Variants in C12orf43 observed in about 807,000 individuals in gnomAD.
The protein encoded by C12orf43 is protein CUSTOS.
Under a neutral mutation model 20.6 loss-of-function variants are expected in C12orf43, and 15 were observed. The observed-to-expected ratio is 0.73, with a 90% CI of 0.49 to 1.12. The LOEUF is 1.12. C12orf43 is among the 50% of genes most tolerant of loss of function. C12orf43 has a pLI of 0.00. For synonymous variants in C12orf43, 144 were observed against 130.8 expected, an observed-to-expected ratio of 1.10 and a Z score of -0.69; for missense variants, 334 against 344.4, an observed-to-expected ratio of 0.97 and a Z score of 0.24.
Position 121,004,923 on chromosome 12 carries a change from T to G in C12orf43, c.452+80A>C. 1.8e-6 allele frequency: 2 copies of G among 1,082,980 alleles called. No homozygotes were observed. The highest frequency in any genetic ancestry group is 2.5e-6 in the Non-Finnish European group (2 of 794,096). 67.1% of individuals were successfully genotyped at this position (1,082,980 alleles called of 1,614,324 possible). ...CCTTGGCCTGGTCCTGACTGGAGTC[T>G]GCTTGGCTATTCCAGGGAACCCACC... On this transcript the variant is annotated intron_variant, in intron 5 of 5. Coordinates refer to ENST00000288757, the MANE Select transcript of C12orf43 (RefSeq NM_022895.3). This position sits in a 1 kb window ranked among gnomAD's most constrained non-coding sequence, Gnocchi z 5.6.
chr12:121,013,522 T>G (rs572284195), intron 1 of C12orf43, among the ~76,000 whole-genome samples: 1 of 152,344 alleles, frequency 6.6e-6, no homozygotes. Flanking sequence ...TGTAAGCTAC[T>G]TGAATACGTG....
intron 1 of C12orf43, 95 bp from the exon 2 acceptor site, chr12:121,011,241 T>C (rs1291217794): frequency 1.1e-6 from 1 of 911,284 alleles, no homozygotes; most frequent in East Asian, 2.4e-5. Context: ...TTAAAATACA[T>C]ATAACTCATA....
In C12orf43 at chr12:121,003,029, TTC is replaced by T. The variant is rs1491207011; in HGVS notation, c.*1122_*1123del. 2.6e-3 allele frequency: 323 copies of T among 124,346 alleles called. 25 individuals carry two copies. The highest frequency in any genetic ancestry group is 0.02 in the Middle Eastern group (4 of 204). The allele number at this position is 124,346 out of a possible 1,614,324, so 7.7% of individuals were successfully genotyped here. A position where few individuals can be genotyped will look rare whatever the true frequency, so the allele number is the denominator to read the frequency against. On this transcript the variant is annotated 3_prime_UTR_variant, in exon 6 of 6. Coordinates refer to ENST00000288757, the MANE Select transcript of C12orf43 (RefSeq NM_022895.3). ...GCTTCTACTTCTTTTCTTTTTCTTT[TTC>T]TTTTTTTTTTTTTGAGATAGGGTCT... is the stretch of plus-strand genomic sequence containing the variant.
intron 3 of C12orf43, among the ~76,000 whole-genome samples, chr12:121,007,384 G>A (rs1053065015): frequency 6.6e-6 from 1 of 152,158 alleles, no homozygotes; most frequent in African/African-American, 2.4e-5. Flanking sequence ...TCCCGGTTTT[G>A]TCACTTATTA....
intron 3 of C12orf43, among the ~76,000 whole-genome samples, 164 bp downstream of exon 3, chr12:121,010,664 A>G (rs1878381274): frequency 6.6e-6 from 1 of 152,182 alleles, no homozygotes; most frequent in African/African-American, 2.4e-5. Flanking sequence ...GGATAAAGGT[A>G]ACAACAGGAC....
rs1592902356 is a variant in C12orf43 at position 121,002,328 on chromosome 12, A to G, written c.*1825T>C. The G allele has an allele frequency of 2.4e-5, 11 of 454,128 alleles. No homozygotes were observed. The East Asian group carries it at 4.4e-4, about 18-fold the overall frequency. The allele number at this position is 454,128 out of a possible 1,614,324, so 28.1% of individuals were successfully genotyped here. A position where few individuals can be genotyped will look rare whatever the true frequency, so the allele number is the denominator to read the frequency against. ...GAGGGACAAAGGAGCCTGTGAACCCAGGACAAGCATGGTCCCACATCCCTG... is the reference window on the plus strand; with the variant it reads ...GAGGGACAAAGGAGCCTGTGAACCCGGGACAAGCATGGTCCCACATCCCTG... On this transcript the variant is annotated 3_prime_UTR_variant, in exon 6 of 6. Transcript: ENST00000288757.
chr12:121,000,948 C>T lies in C12orf43; in HGVS notation c.*3205G>A. On this transcript the variant is annotated 3_prime_UTR_variant, in exon 6 of 6. Coordinates refer to ENST00000288757, the MANE Select transcript of C12orf43 (RefSeq NM_022895.3). ...GGTGTGACTTTGGGGTTCCTGTTAT[C>T]TGCTGTGATCCAGGAGGTGTGGCCC... 1 of 1,402,938 alleles carries T rather than the reference C, an allele frequency of 7.1e-7. No individual in the cohort carries two copies. Among genetic ancestry groups the T allele is most frequent in the Non-Finnish European group, 1.0e-6 (1 of 1,004,900 alleles). The allele number at this position is 1,402,938 out of a possible 1,614,324, so 86.9% of individuals were successfully genotyped here.
rs1877911334 is a variant in C12orf43 at position 121,005,258 on chromosome 12, A to G, written c.362-165T>C. Among the ~76,000 whole-genome samples the G allele has an allele frequency of 6.6e-6, 1 of 151,938 alleles. No homozygotes were observed. Among genetic ancestry groups the G allele is most frequent in the Non-Finnish European group, 1.5e-5 (1 of 67,976 alleles). On this transcript the variant is annotated intron_variant, in intron 4 of 5. Transcript: ENST00000288757. The surrounding 1 kb of genome is among the most constrained non-coding windows in gnomAD (Gnocchi z 5.6). ...AAAAATTTTAAGAAGACACAAAATA[A>G]AAAAATTTAAAAAAGAAACAATAAC...
chr12:121,006,587 A>T, intron 3 of C12orf43, 193 bp from the exon 4 acceptor site: 1 of 573,748 alleles, frequency 1.7e-6, no homozygotes, highest in South Asian at 2.0e-5. Context: ...GCAGTGCTTC[A>T]TTTCTTTAAA....
At chr12:121,016,210 T>C (rs1230862773) in intron 1 of C12orf43, 120 bp downstream of exon 1, 8 of 1,462,922 alleles carry the variant, frequency 5.5e-6, no homozygotes, top group Non-Finnish European at 7.5e-6. Context: ...ACCCAGTCCC[T>C]GGAGGTCTCT....
intron 3 of C12orf43, 56 bp from the exon 4 acceptor site, chr12:121,006,450 C>T (rs1483636498): frequency 1.3e-6 from 2 of 1,549,634 alleles, no homozygotes; most frequent in African/African-American, 1.4e-5. Context: ...ACGACAAAAA[C>T]AAAATTCTTT....
chr12:121,011,913 T>G (rs57105159), intron 1 of C12orf43, among the ~76,000 whole-genome samples: 8 of 152,256 alleles, frequency 5.3e-5, no homozygotes, highest in Admixed American at 3.9e-4. Flanking sequence ...AACCAGGTGT[T>G]GTCATTGCTG....
At chr12:121,009,530 G>T (rs527476558) in intron 3 of C12orf43, among the ~76,000 whole-genome samples, 3 of 152,262 alleles carry the variant, frequency 2.0e-5, no homozygotes, top group African/African-American at 7.2e-5. Context: ...TAGGTCGGGA[G>T]GGTGGAGCCT....
At chr12:121,014,181 A>T (rs1868654284) in intron 1 of C12orf43, among the ~76,000 whole-genome samples, 1 of 150,572 alleles carries the variant, frequency 6.6e-6, no homozygotes, top group African/African-American at 2.5e-5. Context: ...TATAAAAAAA[A>T]ATTAGCTGGG....
Position 121,000,692 on chromosome 12 carries a change from C to T in C12orf43, c.*3461G>A, listed in dbSNP as rs1012571023. On this transcript the variant is annotated 3_prime_UTR_variant, in exon 6 of 6. Coordinates refer to ENST00000288757, the MANE Select transcript of C12orf43 (RefSeq NM_022895.3). ...CCACCCATATTTTCAGGGTAATCTC[C>T]TTCACTCAAAGCCAACTGATTGTGG... 1.5e-5 allele frequency: 5 copies of T among 330,240 alleles called. No individual in the cohort carries two copies. The highest frequency in any genetic ancestry group is 3.0e-5 in the Non-Finnish European group (5 of 168,498). The allele number at this position is 330,240 out of a possible 1,614,324, so 20.5% of individuals were successfully genotyped here. A position where few individuals can be genotyped will look rare whatever the true frequency, so the allele number is the denominator to read the frequency against.
In C12orf43 at chr12:121,001,482, T is replaced by A; in HGVS notation, c.*2671A>T. 2.1e-6 allele frequency: 1 copy of A among 480,786 alleles called. No homozygotes were observed. The highest frequency in any genetic ancestry group is 3.9e-6 in the Non-Finnish European group (1 of 259,342). The allele number at this position is 480,786 out of a possible 1,614,324, so 29.8% of individuals were successfully genotyped here. ...GCTGCTTCGTGGGATACAGTCTTCT[T>A]ACTTGGAACTGAAGGGGGCGGCCTA... On this transcript the variant is annotated 3_prime_UTR_variant, in exon 6 of 6. Transcript: ENST00000288757.
intron 3 of C12orf43, chr12:121,007,157 G>T (rs1051884866): frequency 1.3e-5 from 2 of 152,084 alleles, no homozygotes; most frequent in African/African-American, 4.8e-5. Context: ...CTGGAGCAGG[G>T]CAGACCTGTT....
In C12orf43 at chr12:121,001,899, C is replaced by T. The variant is rs980336661; in HGVS notation, c.*2254G>A. The T allele has an allele frequency of 9.8e-6, 5 of 512,632 alleles. No homozygotes were observed. The highest frequency in any genetic ancestry group is 9.4e-5 in the Admixed American group (4 of 42,358). 31.8% of individuals were successfully genotyped at this position (512,632 alleles called of 1,614,324 possible). ...CCCAGGCCCCATGACCTCCAGCTTT[C>T]CTGTATTTGTTCCCAAGAGCATCAT... is the stretch of plus-strand genomic sequence containing the variant. On this transcript the variant is annotated 3_prime_UTR_variant, in exon 6 of 6. Transcript: ENST00000288757.
In C12orf43 at chr12:121,002,560, G is replaced by A. The variant is rs1034002373; in HGVS notation, c.*1593C>T. On this transcript the variant is annotated 3_prime_UTR_variant, in exon 6 of 6. Transcript: ENST00000288757. ...TTCAGATGGGGTTTGGGCAGGTAGC[G>A]GGAGGCTGGGGCAGGCCAGAGGCCT... The A allele has an allele frequency of 4.8e-5, 23 of 481,114 alleles. No individual in the cohort carries two copies. Among genetic ancestry groups the A allele is most frequent in the South Asian group, 2.7e-4 (17 of 63,044 alleles). 29.8% of individuals were successfully genotyped at this position (481,114 alleles called of 1,614,324 possible). A position where few individuals can be genotyped will look rare whatever the true frequency, so the allele number is the denominator to read the frequency against.
Sources: allele counts gnomAD v4.1 joint callset (sites outside exome capture counted in the v4.1 genomes callset), GRCh38; gene constraint gnomAD v4.1.1; non-coding constraint Gnocchi (gnomAD v3.1); transcripts MANE v1.5; gene names NCBI Gene and HGNC (gene_info 2026-07-23, HGNC 2026-07-21).